Variants in ADAMTSL1 observed in about 807,000 individuals in gnomAD.
ADAMTSL1 encodes the protein ADAMTS-like protein 1.
In ADAMTSL1, 126 loss-of-function variants were observed where a neutral mutation model predicts 201.8. That is an observed-to-expected ratio of 0.62 (90% CI 0.54 to 0.72). ADAMTSL1 has a LOEUF of 0.72. Among genes scored for constraint, ADAMTSL1 ranks in the 30% least tolerant of loss-of-function variants. ADAMTSL1 has a pLI of 0.00. For synonymous variants in ADAMTSL1, 1,121 were observed against 903.4 expected, an observed-to-expected ratio of 1.24 and a Z score of -4.32; for missense variants, 2,679 against 2,277.8, an observed-to-expected ratio of 1.18 and a Z score of -3.59.
chr9:18,406,100 A>C (rs975457034), intron 2 of ADAMTSL1, among the ~76,000 whole-genome samples: 1 of 152,168 alleles, frequency 6.6e-6, no homozygotes, highest in African/African-American at 2.4e-5. Context: ...GTTTTAGAGA[A>C]TTTTCTCCAA....
chr9:18,048,552 T>G (rs544175978), intron 1 of ADAMTSL1, among the ~76,000 whole-genome samples: 2 of 152,168 alleles, frequency 1.3e-5, no homozygotes, highest in Non-Finnish European at 2.9e-5. Flanking sequence ...ACATGGGAGA[T>G]GTTACTAATC....
chr9:18,197,684 C>T (rs1303869303), intron 2 of ADAMTSL1, among the ~76,000 whole-genome samples: 2 of 150,464 alleles, frequency 1.3e-5, no homozygotes, highest in African/African-American at 4.9e-5. Flanking sequence ...CTTCTCCTGC[C>T]TAATTGCCCT....
chr9:18,303,762 T>G (rs1016960020), intron 2 of ADAMTSL1, among the ~76,000 whole-genome samples: 1 of 152,092 alleles, frequency 6.6e-6, no homozygotes, highest in Non-Finnish European at 1.5e-5. Context: ...AGGGTGATGG[T>G]TTTATGGCCA....
intron 27 of ADAMTSL1, among the ~76,000 whole-genome samples, chr9:18,906,336 ACACTTCCTTATAGATGTC>A (rs916644260): frequency 2.0e-5 from 3 of 152,014 alleles, no homozygotes; most frequent in African/African-American, 7.2e-5. Context: ...CATCCTTATG[ACACTTCCTTATAGATGTC>A]CCCCTGGGGC....
intron 3 of ADAMTSL1, among the ~76,000 whole-genome samples, chr9:18,553,365 C>T (rs1040736879): frequency 6.6e-6 from 1 of 151,638 alleles, no homozygotes; most frequent in East Asian, 1.9e-4. Flanking sequence ...TAATTCATGT[C>T]TCTTCAAACA....
Position 18,777,242 on chromosome 9 carries a change from G to T in ADAMTSL1, c.3013G>T (p.Gly1005Cys). 6.2e-7 allele frequency: 1 copy of T among 1,612,504 alleles called. No homozygotes were observed. Residue 1005 changes from glycine to cysteine, a missense_variant, in exon 19 of 29, where the codon GGC (glycine) becomes TGC (cysteine). Coordinates refer to ENST00000380548, the MANE Select transcript of ADAMTSL1 (RefSeq NM_001040272.6). The stretch of plus-strand genomic sequence containing the variant: ...ACACCAGAACGGGATCTTCTCCAAC[G>T]GCAGCAAGGCGGAGAAGCGGGGCCT... ...HKHQNGIFSN[G>C]SKAEKRGLAA...
chr9:18,675,642 C>G (rs1037085653), intron 9 of ADAMTSL1, among the ~76,000 whole-genome samples: 2 of 152,100 alleles, frequency 1.3e-5, no homozygotes, highest in Admixed American at 6.6e-5. Context: ...GATCAGAGAA[C>G]TAATTATAGT....
chr9:17,999,114 T>C (rs1262334054), intron 1 of ADAMTSL1, among the ~76,000 whole-genome samples: 1 of 151,972 alleles, frequency 6.6e-6, no homozygotes, highest in African/African-American at 2.4e-5. Context: ...TGAATACCCA[T>C]AAAGAGAAAA....
chr9:18,535,348 A>G (rs1819700173), intron 3 of ADAMTSL1, among the ~76,000 whole-genome samples: 1 of 152,192 alleles, frequency 6.6e-6, no homozygotes, highest in Non-Finnish European at 1.5e-5. Context: ...TGTTGCCTGT[A>G]TCACTATCAG....
intron 2 of ADAMTSL1, among the ~76,000 whole-genome samples, chr9:18,204,882 CT>C (rs1829589226): frequency 6.6e-6 from 1 of 152,142 alleles, no homozygotes; most frequent in African/African-American, 2.4e-5. Flanking sequence ...TTGAAAACAT[CT>C]TTGTTCATTT....
chr9:18,521,892 T>C (rs1818718896), intron 2 of ADAMTSL1, among the ~76,000 whole-genome samples: 1 of 152,204 alleles, frequency 6.6e-6, no homozygotes, highest in Non-Finnish European at 1.5e-5. Flanking sequence ...GCTTGTCATC[T>C]AACTCCTCTT....
intron 1 of ADAMTSL1, among the ~76,000 whole-genome samples, chr9:17,968,889 G>A (rs1022899081): frequency 1.3e-5 from 2 of 151,900 alleles, no homozygotes; most frequent in African/African-American, 4.8e-5. Context: ...CTGTATCTAG[G>A]GATTTTTTCC....
At chr9:18,876,852 C>T (rs181681746) in intron 23 of ADAMTSL1, among the ~76,000 whole-genome samples, 1 of 152,316 alleles carries the variant, frequency 6.6e-6, no homozygotes, top group Admixed American at 6.5e-5. Flanking sequence ...GTTTACCAAA[C>T]ATTTAGATTT....
chr9:18,527,740 C>G (rs1819177176), intron 2 of ADAMTSL1, among the ~76,000 whole-genome samples: 1 of 152,070 alleles, frequency 6.6e-6, no homozygotes, highest in African/African-American at 2.4e-5. Context: ...ATAATTCACA[C>G]ATAATAGCTT....
In ADAMTSL1 at chr9:18,169,336, C is replaced by A. The variant is rs1002177580; in HGVS notation, c.207+5355C>A. Among the ~76,000 whole-genome samples, 12 of 152,040 alleles carry A rather than the reference C, an allele frequency of 7.9e-5. No homozygotes were observed. In the South Asian group the frequency reaches 1.2e-3, roughly 16 times the overall value. On this transcript the variant is annotated intron_variant, in intron 2 of 29. Coordinates refer to the ADAMTSL1 transcript ENST00000680146. ...AAGGAAGGGATCCAGTTTCAGCTTT[C>A]TACATATGGCTAGCCAGTTTTCCCA...
intron 2 of ADAMTSL1, among the ~76,000 whole-genome samples, chr9:18,525,233 G>T (rs1233622551): frequency 2.0e-5 from 3 of 152,162 alleles, no homozygotes; most frequent in African/African-American, 7.2e-5. Flanking sequence ...TTGCATAGAG[G>T]TGTTTATAGT....
intron 5 of ADAMTSL1, among the ~76,000 whole-genome samples, chr9:18,626,315 G>A (rs1432470986): frequency 6.6e-6 from 1 of 152,126 alleles, no homozygotes; most frequent in Admixed American, 6.6e-5. Flanking sequence ...GGTGATGCAG[G>A]GGAGCTGCAA....
chr9:18,120,454 G>A (rs985491055), intron 1 of ADAMTSL1, among the ~76,000 whole-genome samples: 1 of 152,072 alleles, frequency 6.6e-6, no homozygotes, highest in Admixed American at 6.6e-5. Context: ...AGGAATTGTT[G>A]GGGGGGACCC....
At chr9:18,828,553 T>C (rs1290199427) in intron 22 of ADAMTSL1, among the ~76,000 whole-genome samples, 1 of 150,730 alleles carries the variant, frequency 6.6e-6, no homozygotes, top group Non-Finnish European at 1.5e-5. Context: ...AGGACTTAAA[T>C]GACCTAATTA....
Sources: allele counts gnomAD v4.1 joint callset (sites outside exome capture counted in the v4.1 genomes callset), GRCh38; gene constraint gnomAD v4.1.1; transcripts MANE v1.5; gene names NCBI Gene and HGNC (gene_info 2026-07-23, HGNC 2026-07-21).